The following SMO variants were observed in gnomAD, a reference collection of about 807,000 sequenced individuals.
SMO encodes smoothened, frizzled class receptor.
In SMO, 40 loss-of-function variants were observed where a neutral mutation model predicts 81.6. The observed-to-expected ratio is 0.49, with a 90% CI of 0.38 to 0.64. The LOEUF is 0.64. Among genes scored for constraint, SMO ranks in the 30% least tolerant of loss-of-function variants. SMO has a pLI of 0.00. For missense variants in SMO, 916 were observed against 1,061.1 expected, an observed-to-expected ratio of 0.86 and a Z score of 1.90; for synonymous variants, 434 against 432.1, an observed-to-expected ratio of 1.00 and a Z score of -0.05.
intron 1 of SMO, among the ~76,000 whole-genome samples, chr7:129,198,149 G>C (rs1793614848): frequency 6.6e-6 from 1 of 151,874 alleles, no homozygotes; most frequent in Admixed American, 6.6e-5. Flanking sequence ...ATGGGGTTTG[G>C]CCATATTGCC....
rs184628602 is a variant in SMO, at chr7:129,202,741, G to C, written c.332-643G>C. Reference sequence around the variant, plus strand: ...TCTTCTCTCTCACTCCGCTTGGTAAGAGGAACAAGGGTTCTGGGGTCTGGG... The same window carrying C: ...TCTTCTCTCTCACTCCGCTTGGTAACAGGAACAAGGGTTCTGGGGTCTGGG... On this transcript the variant is annotated intron_variant, in intron 1 of 11. Coordinates refer to ENST00000249373, the MANE Select transcript of SMO (RefSeq NM_005631.5). 2.6e-4 allele frequency among the ~76,000 whole-genome samples: 39 copies of C among 152,198 alleles called. No homozygotes were observed. The East Asian group carries it at 6.8e-3, about 26-fold the overall frequency.
rs1302867050 is a variant in SMO at position 129,212,616 on chromosome 7, G to A, written c.*165G>A. 3.0e-6 allele frequency: 2 copies of A among 672,886 alleles called. No homozygotes were observed. The highest frequency in any genetic ancestry group is 5.0e-6 in the Non-Finnish European group (2 of 403,500). 41.7% of individuals were successfully genotyped at this position (672,886 alleles called of 1,614,324 possible). A position where few individuals can be genotyped will look rare whatever the true frequency, so the allele number is the denominator to read the frequency against. On this transcript the variant is annotated 3_prime_UTR_variant, in exon 12 of 12. Coordinates refer to ENST00000249373, the MANE Select transcript of SMO (RefSeq NM_005631.5). The surrounding 1 kb of genome is among the most constrained non-coding windows in gnomAD (Gnocchi z 5.0). ...GTCTGGCTCAAAGCAGCAGGACTGT[G>A]GGAAAGAGCCTAACATCTCCATGGG...
intron 1 of SMO, among the ~76,000 whole-genome samples, chr7:129,193,203 C>G (rs1012537660): frequency 1.3e-5 from 2 of 152,162 alleles, no homozygotes; most frequent in African/African-American, 4.8e-5. Flanking sequence ...GGCGATAGGT[C>G]CCTGAGAGCC....
In SMO at chr7:129,189,911, G is replaced by A. The variant is rs1365544929; in HGVS notation, c.331+429G>A. Among the ~76,000 whole-genome samples the A allele has an allele frequency of 6.6e-6, 1 of 152,134 alleles. No homozygotes were observed. The highest frequency in any genetic ancestry group is 1.5e-5 in the Non-Finnish European group (1 of 68,018). ...AAGGGGAGGGATGACGGAGGAAGAGGTTTAGACATTTGGAGGGAAGGGTAG... is the reference window on the plus strand; with the variant it reads ...AAGGGGAGGGATGACGGAGGAAGAGATTTAGACATTTGGAGGGAAGGGTAG... On this transcript the variant is annotated intron_variant, in intron 1 of 11. Coordinates refer to ENST00000249373, the MANE Select transcript of SMO (RefSeq NM_005631.5). This position sits in a 1 kb window ranked among gnomAD's most constrained non-coding sequence, Gnocchi z 4.7.
chr7:129,205,245 G>A lies in SMO; in HGVS notation c.580G>A (p.Glu194Lys), dbSNP rs761395599. ...NIKFNSSGQC[E>K]VPLVRTDNPK... Reference sequence around the variant, plus strand: ...CAAGTTCAACAGTTCAGGCCAGTGCGAAGTGCCCTTGGTTCGGACAGACAA... The same window carrying A: ...CAAGTTCAACAGTTCAGGCCAGTGCAAAGTGCCCTTGGTTCGGACAGACAA... Residue 194 changes from glutamate (E) to lysine (K), a missense_variant, in exon 3 of 12, where the codon GAA (glutamate) becomes AAA (lysine). Coordinates refer to ENST00000249373, the MANE Select transcript of SMO (RefSeq NM_005631.5). 14 of 1,614,106 alleles carry A rather than the reference G, an allele frequency of 8.7e-6. No homozygotes were observed. Among genetic ancestry groups the A allele is most frequent in the African/African-American group, 2.7e-5 (2 of 74,940 alleles).
rs1447218054 is a variant in SMO, at chr7:129,211,497, A to G, written c.1802-139A>G. Reference sequence around the variant, plus strand: ...TTCAGATTCTGAAGGGGTAGAGATCACCGTGGTTACAGGGTGAGCTTTCTC... The same window carrying G: ...TTCAGATTCTGAAGGGGTAGAGATCGCCGTGGTTACAGGGTGAGCTTTCTC... On this transcript the variant is annotated intron_variant, in intron 10 of 11. Transcript: ENST00000249373. The surrounding 1 kb of genome is among the most constrained non-coding windows in gnomAD (Gnocchi z 4.6). 1.1e-6 allele frequency: 1 copy of G among 930,790 alleles called. No homozygotes were observed. Among genetic ancestry groups the G allele is most frequent in the East Asian group, 2.4e-5 (1 of 41,096 alleles). 57.7% of individuals were successfully genotyped at this position (930,790 alleles called of 1,614,324 possible).
At chr7:129,202,498 A>C (rs949921799) in intron 1 of SMO, among the ~76,000 whole-genome samples, 7 of 152,204 alleles carry the variant, frequency 4.6e-5, no homozygotes, top group African/African-American at 1.4e-4. Context: ...TTGCTGAAGC[A>C]GGGTTGATTC....
intron 2 of SMO, among the ~76,000 whole-genome samples, chr7:129,204,783 C>T (rs944875845): frequency 2.0e-4 from 30 of 151,954 alleles, no homozygotes; most frequent in African/African-American, 6.0e-4. Flanking sequence ...TTTGGGAGGC[C>T]GAGGTGGGTG....
At chr7:129,202,856 CCAG>C (rs1793693168) in intron 1 of SMO, among the ~76,000 whole-genome samples, 2 of 152,160 alleles carry the variant, frequency 1.3e-5, no homozygotes, top group African/African-American at 4.8e-5. Context: ...GGGAGCTCTA[CCAG>C]AGGCATTACC....
chr7:129,206,198 C>T lies in SMO; in HGVS notation c.969C>T (p.Tyr323=), dbSNP rs769921107. Residue 323 remains tyrosine, a synonymous_variant, in exon 5 of 12, where the codon TAC becomes TAT. Transcript: ENST00000249373. The surrounding 1 kb of genome is among the most constrained non-coding windows in gnomAD (Gnocchi z 4.4). Reference sequence around the variant, plus strand: ...TCATCATCTTTGTCATCGTGTACTACGCCCTGATGGCTGGTGTGGTTTGGT... The same window carrying T: ...TCATCATCTTTGTCATCGTGTACTATGCCCTGATGGCTGGTGTGGTTTGGT... ...SCVIIFVIVY[Y]ALMAGVVWFV... is the part of the protein sequence containing the mutation. 75 of 1,613,648 alleles carry T rather than the reference C, an allele frequency of 4.6e-5. No individual in the cohort carries two copies. The highest frequency in any genetic ancestry group is 5.8e-5 in the Non-Finnish European group (68 of 1,179,714).
chr7:129,193,785 A>AAATAT (rs1563145734), intron 1 of SMO, among the ~76,000 whole-genome samples: 5 of 26,352 alleles, frequency 1.9e-4, no homozygotes, highest in East Asian at 1.9e-3. Context: ...AAAAAAAAAA[A>AAATAT]ATATATATAT....
At position 129,206,409 on chromosome 7, in the gene SMO, A is replaced by G. The variant is rs2150650499; in HGVS notation, c.1140+40A>G. ...AGGAACGGGAGACCTGGATGGGGTG[A>G]GTTTGAGGGAGGGGGCCAGTAACCC... On this transcript the variant is annotated intron_variant, in intron 5 of 11. Transcript: ENST00000249373. The surrounding 1 kb of genome is among the most constrained non-coding windows in gnomAD (Gnocchi z 4.4). 1.2e-6 allele frequency: 2 copies of G among 1,613,808 alleles called. No individual in the cohort carries two copies. The highest frequency in any genetic ancestry group is 1.7e-6 in the Non-Finnish European group (2 of 1,179,830).
Position 129,189,195 on chromosome 7 carries a change from T to C in SMO, c.44T>C (p.Leu15Pro). ...GCGCGGGGGCCGGAGCTCCCGCTCC[T>C]GGGGCTGCTGCTGCTGCTGCTGCTG... is the stretch of plus-strand genomic sequence containing the variant. ...RPARGPELPL[L>P]GLLLLLLLGD... Residue 15 changes from leucine to proline, a missense_variant, in exon 1 of 12, where the codon CTG becomes CCG. Transcript: ENST00000249373. This position sits in a 1 kb window ranked among gnomAD's most constrained non-coding sequence, Gnocchi z 4.7. The C allele has an allele frequency of 3.5e-6, 4 of 1,157,446 alleles. No homozygotes were observed. The highest frequency in any genetic ancestry group is 4.3e-6 in the Non-Finnish European group (4 of 923,644). 71.7% of individuals were successfully genotyped at this position (1,157,446 alleles called of 1,614,324 possible). A position where few individuals can be genotyped will look rare whatever the true frequency, so the allele number is the denominator to read the frequency against.
intron 2 of SMO, among the ~76,000 whole-genome samples, chr7:129,204,413 G>C (rs915663219): frequency 6.6e-6 from 1 of 152,140 alleles, no homozygotes; most frequent in Non-Finnish European, 1.5e-5. Context: ...AGGCTGAGGC[G>C]GGTGGATCAC....
intron 1 of SMO, among the ~76,000 whole-genome samples, chr7:129,195,473 T>C (rs529353950): frequency 4.0e-4 from 61 of 152,340 alleles, no homozygotes; most frequent in African/African-American, 1.4e-3. Flanking sequence ...TACTGGCCTT[T>C]AGGGTTTCTG....
At chr7:129,201,906 C>T (rs1394171654) in intron 1 of SMO, among the ~76,000 whole-genome samples, 2 of 152,068 alleles carry the variant, frequency 1.3e-5, no homozygotes, top group Non-Finnish European at 2.9e-5. Context: ...GTCTTGAACT[C>T]CTAGCCTCAG....
At position 129,212,168 on chromosome 7, in the gene SMO, C is replaced by G. The variant is rs753700381; in HGVS notation, c.2081C>G (p.Pro694Arg). Reference sequence around the variant, plus strand: ...GCGCCGCCCCCTGAGCTTCACCCCCCTGCCCCTGCCCCCAGTACCATTCCT... The same window carrying G: ...GCGCCGCCCCCTGAGCTTCACCCCCGTGCCCCTGCCCCCAGTACCATTCCT... ...PLAPPPELHP[P>R]APAPSTIPRL... The change falls in exon 12 of 12, where the codon CCT becomes CGT. Residue 694 changes from proline (P) to arginine (R), a missense_variant. By Grantham distance (103) the Pro-to-Arg change is moderately radical. Transcript: ENST00000249373. This position sits in a 1 kb window ranked among gnomAD's most constrained non-coding sequence, Gnocchi z 5.0. 1.2e-5 allele frequency: 19 copies of G among 1,555,194 alleles called. No individual in the cohort carries two copies. The South Asian group carries it at 1.8e-4, about 14-fold the overall frequency.
chr7:129,197,477 G>A (rs1231048098), intron 1 of SMO, among the ~76,000 whole-genome samples: 1 of 152,052 alleles, frequency 6.6e-6, no homozygotes, highest in African/African-American at 2.4e-5. Context: ...ACCGAGGCTG[G>A]AGTGCAGTGA....
rs762783453 is a variant in SMO, at chr7:129,205,368, G to A, written c.703G>A (p.Ala235Thr). 5 of 1,613,030 alleles carry A rather than the reference G, an allele frequency of 3.1e-6. No homozygotes were observed. The highest frequency in any genetic ancestry group is 3.3e-5 in the Admixed American group (2 of 59,842). ...GCACCAGGACATGCACAGCTACATC[G>A]CGGCCTTCGGGGCCGTCACGGGCCT... Reference protein sequence around the residue: ...AEHQDMHSYIAAFGAVTGLCT... With the variant: ...AEHQDMHSYITAFGAVTGLCT... The change falls in exon 3 of 12, where the codon GCG becomes ACG. Residue 235 changes from alanine to threonine, a missense_variant. This residue lies in a region of SMO where 436 missense variants were observed against 570.9 expected (regional missense o/e 0.76). Coordinates refer to ENST00000249373, the MANE Select transcript of SMO (RefSeq NM_005631.5).
Sources: allele counts gnomAD v4.1 joint callset (sites outside exome capture counted in the v4.1 genomes callset), GRCh38; gene constraint gnomAD v4.1.1; regional missense constraint gnomAD v4.1.1; non-coding constraint Gnocchi (gnomAD v3.1); transcripts MANE v1.5; gene names NCBI Gene and HGNC (gene_info 2026-07-23, HGNC 2026-07-21).